Variants in DMBT1 observed in about 807,000 individuals in gnomAD.
DMBT1 encodes scavenger receptor cysteine-rich domain-containing protein DMBT1.
A neutral mutation model predicts 252.9 loss-of-function variants in DMBT1; 198 were observed. That is an observed-to-expected ratio of 0.78 (90% confidence interval 0.70 to 0.88). The LOEUF (loss-of-function observed/expected upper bound fraction) is 0.88, where lower values mean the gene tolerates loss of function less well. Among genes scored for constraint, DMBT1 ranks in the 40% least tolerant of loss-of-function variants. The pLI is 0.00. For synonymous variants in DMBT1, 990 were observed against 942.7 expected (o/e 1.05, Z -0.92); for missense variants, 2,432 against 2,404.7 (o/e 1.01, Z -0.24).
chr10:122,620,558 C>T (rs572522353), intron 43 of DMBT1, among the ~76,000 whole-genome samples: 23 of 152,312 alleles, frequency 1.5e-4, no homozygotes, highest in African/African-American at 5.5e-4. Flanking sequence ...CTGGAGGGCT[C>T]CCTAATCCTA....
chr10:122,622,857 C>A (rs1303190768), intron 44 of DMBT1, among the ~76,000 whole-genome samples: 1 of 152,184 alleles, frequency 6.6e-6, no homozygotes, highest in Non-Finnish European at 1.5e-5. Flanking sequence ...ATGTTTGTGA[C>A]AGAGATAGCC....
At chr10:122,624,884 G>C (rs2098105298) in intron 44 of DMBT1, among the ~76,000 whole-genome samples, 1 of 148,086 alleles carries the variant, frequency 6.8e-6, no homozygotes, top group African/African-American at 2.5e-5. Context: ...ATTTTAGTGT[G>C]TGGTTTTCTC....
intron 41 of DMBT1, among the ~76,000 whole-genome samples, chr10:122,618,916 GC>G (rs1357998407): frequency 6.6e-6 from 1 of 152,246 alleles, no homozygotes; most frequent in Non-Finnish European, 1.5e-5. Flanking sequence ...GGGGAGGGCA[GC>G]CCCCATGAGT....
chr10:122,585,505 T>G (rs7081902), intron 15 of DMBT1, among the ~76,000 whole-genome samples, 196 bp downstream of exon 15: 28,274 of 146,882 alleles, frequency 0.19, 4,555 homozygotes, highest in African/African-American at 0.39. Flanking sequence ...CTGGTGACTT[T>G]TCTCCCGTGG....
chr10:122,577,227 G>A (rs917664822), intron 7 of DMBT1, among the ~76,000 whole-genome samples: 1 of 152,210 alleles, frequency 6.6e-6, no homozygotes. Context: ...GATCTGGTTG[G>A]TGAAGCCTTC....
At chr10:122,586,602 C>T (rs772211837) in intron 16 of DMBT1, among the ~76,000 whole-genome samples, 1 of 148,298 alleles carries the variant, frequency 6.7e-6, no homozygotes, top group Non-Finnish European at 1.5e-5. Context: ...AGGGTCACAC[C>T]TTTGTTCCCC....
At chr10:122,636,659 G>A (rs888072859) in intron 53 of DMBT1, among the ~76,000 whole-genome samples, 9 of 152,256 alleles carry the variant, frequency 5.9e-5, no homozygotes, top group Admixed American at 1.3e-4. Flanking sequence ...AGCAGAGCCT[G>A]TATGGCCATG....
chr10:122,561,717 A>G lies in DMBT1; in HGVS notation c.61+886A>G, dbSNP rs77064433. ...TTTTCCCATCTTTTGGGCAGATATCACCTTTTCTTCCTCCTCCTCCCTCTG... is the reference window on the plus strand; with the variant it reads ...TTTTCCCATCTTTTGGGCAGATATCGCCTTTTCTTCCTCCTCCTCCCTCTG... On this transcript the variant is annotated intron_variant, in intron 1 of 55. Transcript: ENST00000338354. 0.014 allele frequency among the ~76,000 whole-genome samples: 2,113 copies of G among 147,416 alleles called. 135 individuals carry two copies. The East Asian group carries it at 0.23, about 16-fold the overall frequency.
intron 52 of DMBT1, among the ~76,000 whole-genome samples, chr10:122,634,299 G>C (rs1591575925): frequency 8.0e-6 from 1 of 124,400 alleles, no homozygotes; most frequent in South Asian, 3.1e-4. Flanking sequence ...ATCATAAGTA[G>C]AAATCATCGT....
At position 122,621,304 on chromosome 10, in the gene DMBT1, C is replaced by T. The variant is rs751103799; in HGVS notation, c.5532C>T (p.Tyr1844=). The T allele has an allele frequency of 9.9e-6, 16 of 1,613,714 alleles. No individual in the cohort carries two copies. The highest frequency in any genetic ancestry group is 9.9e-5 in the South Asian group (9 of 91,082). The stretch of plus-strand genomic sequence containing the variant: ...TGCGCTGCTCAGGGAATGAGTCCTA[C>T]CTGTGGAGCTGCCCCCACAAAGGCT... ...DDVRCSGNES[Y]LWSCPHKGWL... Residue 1844 remains tyrosine (Y), a synonymous_variant, in exon 44 of 56, where the codon TAC becomes TAT. Coordinates refer to ENST00000338354, the MANE Select transcript of DMBT1 (RefSeq NM_001377530.1).
rs1045662086 is a variant in DMBT1, at chr10:122,592,949, G to A, written c.2500+354G>A. Among the ~76,000 whole-genome samples, 12 of 148,726 alleles carry A rather than the reference G, an allele frequency of 8.1e-5. 1 individual carries two copies. Among genetic ancestry groups the A allele is most frequent in the Admixed American group, 6.0e-4 (9 of 14,984 alleles). Reference sequence around the variant, plus strand: ...GACATAGGACAGACAGCAAGGTAGGGGAGGAATCCTCTCACTGAGAGGAAC... The same window carrying A: ...GACATAGGACAGACAGCAAGGTAGGAGAGGAATCCTCTCACTGAGAGGAAC... On this transcript the variant is annotated intron_variant, in intron 20 of 55. Transcript: ENST00000338354.
chr10:122,579,665 G>T lies in DMBT1; in HGVS notation c.767G>T (p.Gly256Val), dbSNP rs774229919. ...RVEVLYRGSW[G>V]TVCDDYWDTN... ...GAGGTCCTATACCGAGGCTCCTGGG[G>T]CACCGTGTGTGATGACTACTGGGAC... Residue 256 changes from glycine (G) to valine (V), a missense_variant, in exon 10 of 56, where the codon GGC (glycine) becomes GTC (valine). Physicochemically the swap from Gly to Val is moderately radical, Grantham distance 109 (BLOSUM62 -3). Transcript: ENST00000338354. 1.2e-6 allele frequency: 2 copies of T among 1,613,734 alleles called. No homozygotes were observed. The highest frequency in any genetic ancestry group is 2.7e-5 in the African/African-American group (2 of 74,922).
At position 122,586,033 on chromosome 10, in the gene DMBT1, A is replaced by G. The variant is rs1452324096; in HGVS notation, c.1460-27A>G. 3.1e-6 allele frequency: 5 copies of G among 1,587,616 alleles called. 1 individual carries two copies. In the African/African-American group the frequency reaches 4.0e-5, roughly 13 times the overall value. ...ATTCTTGACCTCATGATAGGGATGG[A>G]TGAAGGGTTCTTGTTTTCCCCTGTA... On this transcript the variant is annotated intron_variant, in intron 15 of 55. Transcript: ENST00000338354.
At position 122,618,251 on chromosome 10, in the gene DMBT1, G is replaced by T. The variant is rs780570242; in HGVS notation, c.5126G>T (p.Gly1709Val). Residue 1709 changes from glycine to valine, a missense_variant, in exon 41 of 56, where the codon GGA becomes GTA. By Grantham distance (109) the Gly-to-Val change is moderately radical. Transcript: ENST00000338354. ...PIVLDDVRCS[G>V]HESYLWSCPH... ...GTCCTGGATGATGTGCGCTGCTCAGGACACGAGTCTTACCTGTGGAGCTGC... is the reference window on the plus strand; with the variant it reads ...GTCCTGGATGATGTGCGCTGCTCAGTACACGAGTCTTACCTGTGGAGCTGC... 2.5e-6 allele frequency: 4 copies of T among 1,613,658 alleles called. No homozygotes were observed. In the African/African-American group the frequency reaches 5.3e-5, roughly 22 times the overall value.
At chr10:122,566,348 T>C (rs2097592372) in intron 2 of DMBT1, among the ~76,000 whole-genome samples, 1 of 150,558 alleles carries the variant, frequency 6.6e-6, no homozygotes, top group African/African-American at 2.4e-5. Context: ...AGTCTTGCTC[T>C]GTCACCAGAC....
intron 1 of DMBT1, among the ~76,000 whole-genome samples, chr10:122,565,268 T>G (rs1392055242): frequency 1.3e-5 from 2 of 152,168 alleles, no homozygotes; most frequent in Non-Finnish European, 2.9e-5. Context: ...TATAAAAGGA[T>G]CTAATGGATC....
chr10:122,600,849 C>T, intron 27 of DMBT1, 142 bp from the exon 28 acceptor site: 1 of 1,022,448 alleles, frequency 9.8e-7, no homozygotes, highest in Non-Finnish European at 1.5e-6. Flanking sequence ...GCAGAGGAGA[C>T]CTGGGAAGAC....
intron 16 of DMBT1, among the ~76,000 whole-genome samples, chr10:122,586,813 G>A (rs2097794221): frequency 6.7e-6 from 1 of 148,360 alleles, no homozygotes; most frequent in African/African-American, 2.4e-5. Context: ...TTGTACTCCT[G>A]GCAGAGGGGA....
At position 122,572,164 on chromosome 10, in the gene DMBT1, G is replaced by C; in HGVS notation, c.188-150G>C. Reference sequence around the variant, plus strand: ...CCAGCGTGGGACCAGTACAGTGACAGAGTGATTGGCACATGGTTGGCTTTT... The same window carrying C: ...CCAGCGTGGGACCAGTACAGTGACACAGTGATTGGCACATGGTTGGCTTTT... On this transcript the variant is annotated intron_variant, in intron 4 of 55. Transcript: ENST00000338354. The C allele has an allele frequency of 2.8e-6, 3 of 1,086,056 alleles. No individual in the cohort carries two copies. The South Asian group carries it at 4.0e-5, about 15-fold the overall frequency. 67.3% of individuals were successfully genotyped at this position (1,086,056 alleles called of 1,614,324 possible). A position where few individuals can be genotyped will look rare whatever the true frequency, so the allele number is the denominator to read the frequency against.
Sources: allele counts gnomAD v4.1 joint callset (sites outside exome capture counted in the v4.1 genomes callset), GRCh38; gene constraint gnomAD v4.1.1; transcripts MANE v1.5; gene names NCBI Gene and HGNC (gene_info 2026-07-23, HGNC 2026-07-21).